The following CSMD3 variants were observed in gnomAD, a reference collection of about 807,000 sequenced individuals.
CSMD3 encodes the protein CUB and Sushi multiple domains 3, also known as CUB and sushi domain-containing protein 3.
In CSMD3, 177 loss-of-function variants were observed where a neutral mutation model predicts 435.2. The ratio of observed to expected loss-of-function variants is 0.41; its 90% CI spans 0.36 to 0.46. The LOEUF is 0.46. Among genes scored for constraint, CSMD3 ranks in the 20% least tolerant of loss-of-function variants. CSMD3 has a pLI of 0.34. For missense variants in CSMD3, 4,265 were observed against 4,504.6 expected, an observed-to-expected ratio of 0.95 and a Z score of 1.52; for synonymous variants, 1,656 against 1,520.5, an observed-to-expected ratio of 1.09 and a Z score of -2.07.
rs2075923430 is a variant in CSMD3, at chr8:112,682,559, T to C, written c.2560A>G (p.Ser854Gly). The change falls in exon 16 of 71, where the codon AGT (serine) becomes GGT (glycine). Residue 854 changes from serine to glycine, a missense_variant. Physicochemically the swap from Ser to Gly is moderately conservative, Grantham distance 56. Transcript: ENST00000297405. ...TCTTCACAAATAACTGAAATTGAACTTCCTAATTGAAAGTTGTCCCCAAAC... is the reference window on the plus strand; with the variant it reads ...TCTTCACAAATAACTGAAATTGAACCTCCTAATTGAAAGTTGTCCCCAAAC... ...RRFGDNFQLGSSISVICEEGF... is the reference protein window; with the variant it reads ...RRFGDNFQLGGSISVICEEGF... 3.1e-6 allele frequency: 5 copies of C among 1,613,662 alleles called. No homozygotes were observed. The highest frequency in any genetic ancestry group is 4.2e-6 in the Non-Finnish European group (5 of 1,179,622).
chr8:113,331,190 T>C (rs893610032), intron 1 of CSMD3, among the ~76,000 whole-genome samples: 3 of 151,626 alleles, frequency 2.0e-5, no homozygotes, highest in Admixed American at 2.0e-4. Flanking sequence ...AAAAGTTAGA[T>C]TATTCAAATG....
intron 4 of CSMD3, among the ~76,000 whole-genome samples, chr8:113,124,452 T>C (rs2091070136): frequency 6.6e-6 from 1 of 150,502 alleles, no homozygotes; most frequent in South Asian, 2.1e-4. Flanking sequence ...GATGGGACTC[T>C]TTCTCATTAT....
intron 2 of CSMD3, among the ~76,000 whole-genome samples, chr8:113,297,194 G>T (rs763568596): frequency 6.6e-6 from 1 of 151,956 alleles, no homozygotes; most frequent in Admixed American, 6.6e-5. Context: ...ATGAAATTAG[G>T]TGCTAGAAAT....
rs567302410 is a variant in CSMD3 at position 113,379,891 on chromosome 8, CA to C, written c.178+56785del. On this transcript the variant is annotated intron_variant, in intron 1 of 70. Transcript: ENST00000297405. ...ACTAGAGTACACCCTTCCTGTTTAT[CA>C]GATTCCTGTTTTATGAAAGCTATCT... Among the ~76,000 whole-genome samples the C allele has an allele frequency of 2.6e-5, 4 of 152,242 alleles. No individual in the cohort carries two copies. The East Asian group carries it at 7.7e-4, about 29-fold the overall frequency.
chr8:112,334,018 C>T (rs879509648), intron 45 of CSMD3, among the ~76,000 whole-genome samples: 4 of 152,092 alleles, frequency 2.6e-5, no homozygotes, highest in Non-Finnish European at 4.4e-5. Flanking sequence ...AAACTGCCAG[C>T]ATTAATGATC....
intron 3 of CSMD3, among the ~76,000 whole-genome samples, chr8:113,177,075 TAAGTG>T (rs1025681446): frequency 2.0e-4 from 30 of 151,794 alleles, no homozygotes; most frequent in African/African-American, 5.1e-4. Context: ...TACAGATTTA[TAAGTG>T]AAGTGAAGTG....
intron 1 of CSMD3, among the ~76,000 whole-genome samples, chr8:113,339,322 C>G (rs936565906): frequency 6.6e-6 from 1 of 151,878 alleles, no homozygotes; most frequent in Admixed American, 6.6e-5. Context: ...ATAAGTACAT[C>G]AAAAATCCCA....
chr8:113,090,769 C>A (rs928799321), intron 5 of CSMD3, among the ~76,000 whole-genome samples: 3 of 152,098 alleles, frequency 2.0e-5, no homozygotes, highest in Admixed American at 6.6e-5. Context: ...ATAATTGTTT[C>A]TCTTACAAAC....
chr8:113,247,018 A>G (rs2093283019), intron 3 of CSMD3, among the ~76,000 whole-genome samples: 1 of 152,126 alleles, frequency 6.6e-6, no homozygotes, highest in South Asian at 2.1e-4. Context: ...GGAGTTTTCT[A>G]AGGTATTCTC....
intron 2 of CSMD3, among the ~76,000 whole-genome samples, chr8:113,297,557 T>C (rs557488466): frequency 1.4e-4 from 22 of 152,194 alleles, no homozygotes; most frequent in African/African-American, 5.3e-4. Flanking sequence ...AATCTAAAAA[T>C]GCTATTTTAT....
chr8:112,846,509 C>T (rs889805585), intron 11 of CSMD3, among the ~76,000 whole-genome samples: 11 of 151,800 alleles, frequency 7.2e-5, no homozygotes, highest in African/African-American at 2.4e-4. Context: ...CTCAAGTGAT[C>T]CTTCCACCCC....
intron 24 of CSMD3, among the ~76,000 whole-genome samples, chr8:112,565,833 A>G (rs1460305570): frequency 6.6e-6 from 1 of 152,102 alleles, no homozygotes; most frequent in African/African-American, 2.4e-5. Context: ...TAGTATAACT[A>G]CAAGTATATA....
intron 1 of CSMD3, among the ~76,000 whole-genome samples, chr8:113,362,877 C>T (rs1254963985): frequency 6.6e-6 from 1 of 152,154 alleles, no homozygotes; most frequent in Admixed American, 6.5e-5. Context: ...ATGGTAAAGG[C>T]AGTATTTGCC....
intron 8 of CSMD3, among the ~76,000 whole-genome samples, chr8:112,949,445 T>C (rs997712605): frequency 3.9e-5 from 6 of 152,024 alleles, no homozygotes; most frequent in African/African-American, 9.7e-5. Flanking sequence ...CCGATTCTAC[T>C]ACAGCGGACA....
At chr8:112,370,874 C>A (rs1002538601) in intron 38 of CSMD3, among the ~76,000 whole-genome samples, 1 of 152,130 alleles carries the variant, frequency 6.6e-6, no homozygotes, top group African/African-American at 2.4e-5. Context: ...CTAATGGGAA[C>A]AATGCCTGAC....
intron 4 of CSMD3, among the ~76,000 whole-genome samples, chr8:113,101,955 T>G (rs2090343328): frequency 6.6e-6 from 1 of 152,154 alleles, no homozygotes; most frequent in Non-Finnish European, 1.5e-5. Context: ...TAATTATGAA[T>G]TCATAGCAGA....
At chr8:113,045,345 T>A (rs1471088767) in intron 5 of CSMD3, among the ~76,000 whole-genome samples, 1 of 149,304 alleles carries the variant, frequency 6.7e-6, no homozygotes, top group East Asian at 1.9e-4. Context: ...TAAAGAATTT[T>A]ATTCGTTTCA....
At chr8:112,238,217 A>AC (rs11429007) in intron 66 of CSMD3, among the ~76,000 whole-genome samples, 95,881 of 151,670 alleles carry the variant, frequency 0.63, 31,267 homozygotes, top group African/African-American at 0.78. Flanking sequence ...TATTCAAGGT[A>AC]CCCAACCCTC....
chr8:113,035,470 G>C (rs1283492667), intron 5 of CSMD3, among the ~76,000 whole-genome samples: 1 of 151,954 alleles, frequency 6.6e-6, no homozygotes, highest in East Asian at 1.9e-4. Flanking sequence ...AATCAGAACA[G>C]TAGTTGCTGA....
Sources: gnomAD v4.1 joint callset for allele counts (sites outside exome capture counted in the v4.1 genomes callset) on GRCh38, gnomAD v4.1.1 for gene constraint, MANE v1.5 for transcripts, NCBI Gene and HGNC (gene_info 2026-07-23, HGNC 2026-07-21) for gene names.